Variants in MTUS2 observed in about 807,000 individuals in gnomAD.
MTUS2 encodes microtubule associated scaffold protein 2.
Under a neutral mutation model 114.1 loss-of-function variants are expected in MTUS2, and 40 were observed. That is an observed-to-expected ratio of 0.35 (90% CI 0.27 to 0.46). The LOEUF (loss-of-function observed/expected upper bound fraction) is 0.46. Ranked by LOEUF, MTUS2 falls within the 20% of genes least tolerant of loss-of-function variation. The pLI is 1.00. For synonymous variants in MTUS2, 688 were observed against 672.0 expected, an observed-to-expected ratio of 1.02 and a Z score of -0.37; for missense variants, 1,679 against 1,705.4, an observed-to-expected ratio of 0.98 and a Z score of 0.27.
intron 8 of MTUS2, among the ~76,000 whole-genome samples, chr13:29,366,909 C>T (rs1455175641): frequency 2.6e-5 from 4 of 152,098 alleles, no homozygotes; most frequent in Non-Finnish European, 5.9e-5. Flanking sequence ...AGCACCTCAT[C>T]TCCTGTAGCA....
chr13:28,858,181 T>A, intron 2 of MTUS2, among the ~76,000 whole-genome samples: 1 of 120,390 alleles, frequency 8.3e-6, no homozygotes, highest in Non-Finnish European at 1.9e-5. Flanking sequence ...AAGTTGAAAT[T>A]ATCTTATAGG....
intron 9 of MTUS2, among the ~76,000 whole-genome samples, chr13:29,456,327 C>T (rs968386239): frequency 1.3e-5 from 2 of 152,066 alleles, no homozygotes; most frequent in African/African-American, 2.4e-5. Context: ...AGAAAAAATG[C>T]TTAAAAAATG....
chr13:29,463,172 G>T (rs1480083691), intron 9 of MTUS2, among the ~76,000 whole-genome samples: 1 of 152,152 alleles, frequency 6.6e-6, no homozygotes, highest in Non-Finnish European at 1.5e-5. Context: ...AATACAGGTG[G>T]CCTCGAGGGG....
chr13:29,207,355 T>C (rs1895233270), intron 5 of MTUS2, among the ~76,000 whole-genome samples: 1 of 152,138 alleles, frequency 6.6e-6, no homozygotes, highest in Non-Finnish European at 1.5e-5. Context: ...GGTATACCAT[T>C]ATATCATTGG....
intron 9 of MTUS2, among the ~76,000 whole-genome samples, chr13:29,465,653 A>G (rs575297188): frequency 6.6e-6 from 1 of 152,018 alleles, no homozygotes; most frequent in South Asian, 2.1e-4. Flanking sequence ...CCAACTCACC[A>G]TTCTTTCTGG....
At chr13:29,337,489 A>G (rs953722844) in intron 7 of MTUS2, among the ~76,000 whole-genome samples, 8 of 152,184 alleles carry the variant, frequency 5.3e-5, no homozygotes, top group East Asian at 1.9e-4. Flanking sequence ...CTGTCTAACC[A>G]GTCCCAATGA....
At chr13:29,106,759 T>C (rs1890687007) in intron 5 of MTUS2, among the ~76,000 whole-genome samples, 2 of 152,140 alleles carry the variant, frequency 1.3e-5, no homozygotes, top group Admixed American at 1.3e-4. Context: ...TCCTCATCTC[T>C]GTTAAAACTG....
intron 4 of MTUS2, among the ~76,000 whole-genome samples, chr13:29,093,024 T>C (rs1037534780): frequency 6.6e-6 from 1 of 152,168 alleles, no homozygotes; most frequent in African/African-American, 2.4e-5. Flanking sequence ...CCTGTCCCAC[T>C]TCCTAGCATC....
chr13:29,338,574 A>G (rs941986245), intron 7 of MTUS2, among the ~76,000 whole-genome samples: 1 of 151,618 alleles, frequency 6.6e-6, no homozygotes, highest in African/African-American at 2.4e-5. Context: ...TGGGCGACAG[A>G]GCAAGACTCC....
At chr13:29,201,458 T>C (rs1894955466) in intron 5 of MTUS2, among the ~76,000 whole-genome samples, 1 of 152,198 alleles carries the variant, frequency 6.6e-6, no homozygotes, top group African/African-American at 2.4e-5. Context: ...TGACTCTTTA[T>C]CCAATTTATC....
At chr13:28,949,525 G>T (rs1406647850) in intron 2 of MTUS2, among the ~76,000 whole-genome samples, 1 of 152,162 alleles carries the variant, frequency 6.6e-6, no homozygotes, top group Non-Finnish European at 1.5e-5. Flanking sequence ...GTTCAGTAGT[G>T]TTAATTAAAT....
At chr13:28,863,818 G>A (rs1009951072) in intron 2 of MTUS2, among the ~76,000 whole-genome samples, 9 of 151,946 alleles carry the variant, frequency 5.9e-5, no homozygotes, top group African/African-American at 1.9e-4. Flanking sequence ...CTGCCTTAGC[G>A]TCCTGAGTAG....
intron 6 of MTUS2, among the ~76,000 whole-genome samples, chr13:29,321,121 C>G (rs1900235690): frequency 6.6e-6 from 1 of 151,840 alleles, no homozygotes. Context: ...CTGGGCCTAC[C>G]TGGATTGGAA....
At chr13:29,494,049 C>A (rs773082061) in intron 12 of MTUS2, among the ~76,000 whole-genome samples, 1 of 152,162 alleles carries the variant, frequency 6.6e-6, no homozygotes, top group Non-Finnish European at 1.5e-5. Flanking sequence ...TGTTTAAATC[C>A]CCGCTGCACT....
chr13:29,049,873 C>T (rs1188677748), intron 4 of MTUS2, among the ~76,000 whole-genome samples: 1 of 152,232 alleles, frequency 6.6e-6, no homozygotes, highest in Non-Finnish European at 1.5e-5. Flanking sequence ...ATACAAGCAG[C>T]TCCGCAGCTG....
intron 9 of MTUS2, among the ~76,000 whole-genome samples, chr13:29,443,312 C>CA (rs1425146088): frequency 2.9e-4 from 44 of 152,234 alleles, no homozygotes; most frequent in African/African-American, 1.0e-3. Context: ...CAAGCTTTGG[C>CA]TCTGGGGGCC....
chr13:29,026,838 A>G lies in MTUS2; in HGVS notation c.2140A>G (p.Met714Val), dbSNP rs756714663. 1 of 1,609,034 alleles carries G rather than the reference A, an allele frequency of 6.2e-7. No homozygotes were observed. The change falls in exon 3 of 16, where the codon ATG (methionine) becomes GTG (valine). Residue 714 changes from methionine (M) to valine (V), a missense_variant. This residue lies in a region of MTUS2 where 822 missense variants were observed against 899.7 expected (regional missense o/e 0.91). Transcript: ENST00000612955. ...QKPRVFSSGL[M>V]VSGIKPPGHP... ...GCCAAGGGTCTTCAGTTCCGGATTGATGGTGTCTGGAATCAAGCCCCCGGG... is the reference window on the plus strand; with the variant it reads ...GCCAAGGGTCTTCAGTTCCGGATTGGTGGTGTCTGGAATCAAGCCCCCGGG...
chr13:28,904,495 A>G (rs1352306085), intron 2 of MTUS2, among the ~76,000 whole-genome samples: 1 of 152,182 alleles, frequency 6.6e-6, no homozygotes. Flanking sequence ...TCCCAGCACC[A>G]TTTATTAAAT....
chr13:29,476,563 C>G (rs539917718), intron 9 of MTUS2: 23 of 28,376 alleles, frequency 8.1e-4, no homozygotes, highest in African/African-American at 2.0e-3. Context: ...CCATACAACC[C>G]ACCCATTTAA....
Sources: allele counts gnomAD v4.1 joint callset (sites outside exome capture counted in the v4.1 genomes callset), GRCh38; gene constraint gnomAD v4.1.1; regional missense constraint gnomAD v4.1.1; transcripts MANE v1.5; gene names NCBI Gene and HGNC (gene_info 2026-07-23, HGNC 2026-07-21).